The following PPP2R5D variants were observed in gnomAD, a reference collection of about 807,000 sequenced individuals.
PPP2R5D encodes the protein serine/threonine-protein phosphatase 2A 56 kDa regulatory subunit delta isoform.
PPP2R5D carries 12 observed loss-of-function variants against 79.1 expected under a neutral mutation model. The observed-to-expected ratio is 0.15, with a 90% CI of 0.10 to 0.25. The LOEUF is 0.25. Among genes scored for constraint, PPP2R5D ranks in the 10% least tolerant of loss-of-function variants. The probability of loss-of-function intolerance (pLI) is 1.00; values close to 1 mark genes in which losing one functional copy is unlikely to be tolerated. For synonymous variants in PPP2R5D, 277 were observed against 286.6 expected (o/e 0.97, Z 0.34); for missense variants, 419 against 760.2 (o/e 0.55, Z 5.28).
At chr6:42,986,066 C>T (rs571603728) in intron 1 of PPP2R5D, among the ~76,000 whole-genome samples, 10 of 152,122 alleles carry the variant, frequency 6.6e-5, no homozygotes, top group Non-Finnish European at 1.3e-4. Flanking sequence ...TGTGAGCCAC[C>T]GTGCCTGGCC....
intron 2 of PPP2R5D, among the ~76,000 whole-genome samples, chr6:43,002,634 T>C (rs1231698645): frequency 6.6e-6 from 1 of 152,108 alleles, no homozygotes; most frequent in Non-Finnish European, 1.5e-5. Context: ...TGCCTTGCCA[T>C]GTCTAATACA....
At position 43,006,825 on chromosome 6, in the gene PPP2R5D, G is replaced by T. The variant is rs902692980; in HGVS notation, c.323-86G>T. ...TGCCAGGGAGCAGGATGGTGGCAGG[G>T]TGGGGTAAGGGAAAGCCCTTGAAGG... On this transcript the variant is annotated intron_variant, in intron 3 of 15. Transcript: ENST00000485511. The surrounding 1 kb of genome is among the most constrained non-coding windows in gnomAD (Gnocchi z 4.7). The T allele has an allele frequency of 2.5e-6, 4 of 1,580,798 alleles. No homozygotes were observed. The Admixed American group carries it at 5.0e-5, about 20-fold the overall frequency.
chr6:43,000,693 C>T (rs192242167), intron 2 of PPP2R5D, among the ~76,000 whole-genome samples: 37 of 152,322 alleles, frequency 2.4e-4, no homozygotes, highest in Middle Eastern at 3.4e-3. Flanking sequence ...CAGGTTGGCA[C>T]TGAGCCCCTC....
In PPP2R5D at chr6:43,007,831, T is replaced by G; in HGVS notation, c.727-104T>G. 1 of 1,453,462 alleles carries G rather than the reference T, an allele frequency of 6.9e-7. No homozygotes were observed. Among genetic ancestry groups the G allele is most frequent in the South Asian group, 1.2e-5 (1 of 84,230 alleles). The allele number at this position is 1,453,462 out of a possible 1,614,324, so 90.0% of individuals were successfully genotyped here. ...CTTTCTAAGACTTGCTGGCCCCCACTCCAGGGGACCTCTGCATTTCCCCTG... is the reference window on the plus strand; with the variant it reads ...CTTTCTAAGACTTGCTGGCCCCCACGCCAGGGGACCTCTGCATTTCCCCTG... On this transcript the variant is annotated intron_variant, in intron 6 of 15. Transcript: ENST00000485511. The surrounding 1 kb of genome is among the most constrained non-coding windows in gnomAD (Gnocchi z 4.5).
rs550881684 is a variant in PPP2R5D, at chr6:43,011,150, T to C, written c.1673T>C (p.Met558Thr). The C allele has an allele frequency of 1.0e-4, 163 of 1,614,086 alleles. 3 individuals are homozygous for C. The South Asian group carries it at 1.7e-3, about 17-fold the overall frequency. ...KRTVETEAVQ[M>T]LKDIKKEKVL... Reference sequence around the variant, plus strand: ...CACCTTGTCCCTATTCACACACAGATGCTAAAAGACATCAAGAAGGAGAAA... The same window carrying C: ...CACCTTGTCCCTATTCACACACAGACGCTAAAAGACATCAAGAAGGAGAAA... Residue 558 changes from methionine (M) to threonine (T), a missense_variant and splice_region_variant, in exon 16 of 16, where the codon ATG becomes ACG. This residue lies in a region of PPP2R5D where 84 missense variants were observed against 105.4 expected (regional missense o/e 0.80). Transcript: ENST00000485511.
At position 43,010,422 on chromosome 6, in the gene PPP2R5D, G is replaced by T. The variant is rs758847771; in HGVS notation, c.1380-46G>T. The T allele has an allele frequency of 1.1e-5, 17 of 1,550,566 alleles. No individual in the cohort carries two copies. Among genetic ancestry groups the T allele is most frequent in the Non-Finnish European group, 1.4e-5 (16 of 1,123,118 alleles). ...GAACAAATTGGGTTCCTCACGCTAA[G>T]GGCAGGCTCTGGCCTCCTACACCTC... On this transcript the variant is annotated intron_variant, in intron 12 of 15. Coordinates refer to ENST00000485511, the MANE Select transcript of PPP2R5D (RefSeq NM_006245.4). This position sits in a 1 kb window ranked among gnomAD's most constrained non-coding sequence, Gnocchi z 4.7.
At position 43,012,149 on chromosome 6, in the gene PPP2R5D, T is replaced by C. The variant is rs1348320403; in HGVS notation, c.*863T>C. 2.0e-6 allele frequency: 2 copies of C among 1,022,594 alleles called. No individual in the cohort carries two copies. Among genetic ancestry groups the C allele is most frequent in the Non-Finnish European group, 1.2e-6 (1 of 843,346 alleles). 63.3% of individuals were successfully genotyped at this position (1,022,594 alleles called of 1,614,324 possible). On this transcript the variant is annotated 3_prime_UTR_variant, in exon 16 of 16. Transcript: ENST00000485511. ...GTGCTATGCTGGGCAGGCCTTCTCT[T>C]GTCCCTTATAGGTACCTTGGAGGGG...
chr6:43,005,430 A>C (rs1014165962), intron 2 of PPP2R5D, among the ~76,000 whole-genome samples: 2 of 151,996 alleles, frequency 1.3e-5, no homozygotes, highest in African/African-American at 2.4e-5. Flanking sequence ...AAGCTTCCTG[A>C]GTAGCTGGAA....
At position 43,008,662 on chromosome 6, in the gene PPP2R5D, C is replaced by T. The variant is rs1172985176; in HGVS notation, c.1027-31C>T. The T allele has an allele frequency of 3.7e-6, 6 of 1,609,864 alleles. No individual in the cohort carries two copies. In the East Asian group the frequency reaches 1.3e-4, roughly 36 times the overall value. ...CTCTGAGAGCTTCTAGGACCTACACCTCACCTCCCTTCTACCTCACACCTT... is the reference window on the plus strand; with the variant it reads ...CTCTGAGAGCTTCTAGGACCTACACTTCACCTCCCTTCTACCTCACACCTT... On this transcript the variant is annotated intron_variant, in intron 9 of 15. Transcript: ENST00000485511. The surrounding 1 kb of genome is among the most constrained non-coding windows in gnomAD (Gnocchi z 4.2).
intron 2 of PPP2R5D, among the ~76,000 whole-genome samples, chr6:42,990,108 G>A (rs1202115121): frequency 2.0e-5 from 3 of 152,114 alleles, no homozygotes; most frequent in African/African-American, 7.2e-5. Flanking sequence ...GCCCAGCTGG[G>A]CCCACTGCCC....
At chr6:43,000,236 C>CTTTTTTTTTTTTTTTTTTTTTTTTTTT (rs1204045076) in intron 2 of PPP2R5D, among the ~76,000 whole-genome samples, 1 of 106,022 alleles carries the variant, frequency 9.4e-6, no homozygotes, top group African/African-American at 4.9e-5. Context: ...GTCTGGCCAC[C>CTTTTTTTTTTTTTTTTTTTTTTTTTTT]TTTTTTTTTT....
intron 2 of PPP2R5D, among the ~76,000 whole-genome samples, chr6:42,993,995 T>G (rs1041554664): frequency 6.6e-6 from 1 of 152,190 alleles, no homozygotes; most frequent in African/African-American, 2.4e-5. Flanking sequence ...TATTCCCATT[T>G]CACAGATGAA....
In PPP2R5D at chr6:43,007,843, C is replaced by G; in HGVS notation, c.727-92C>G. 6.6e-7 allele frequency: 1 copy of G among 1,521,232 alleles called. No homozygotes were observed. Among genetic ancestry groups the G allele is most frequent in the Non-Finnish European group, 9.1e-7 (1 of 1,103,172 alleles). 94.2% of individuals were successfully genotyped at this position (1,521,232 alleles called of 1,614,324 possible). ...TGCTGGCCCCCACTCCAGGGGACCT[C>G]TGCATTTCCCCTGGCGGGACCTATG... On this transcript the variant is annotated intron_variant, in intron 6 of 15. Transcript: ENST00000485511. This position sits in a 1 kb window ranked among gnomAD's most constrained non-coding sequence, Gnocchi z 4.5.
In PPP2R5D at chr6:43,006,645, G is replaced by A; in HGVS notation, c.288G>A (p.Lys96=). ...GCTCCTCCCGCTTCAACCTCAGCAA[G>A]AATCGGGAGCTGCAGAAGCTTCCTG... ...RQSSSRFNLS[K]NRELQKLPAL... Residue 96 remains lysine, a synonymous_variant, in exon 3 of 16, where the codon AAG becomes AAA. Transcript: ENST00000485511. The surrounding 1 kb of genome is among the most constrained non-coding windows in gnomAD (Gnocchi z 4.7). The A allele has an allele frequency of 6.2e-7, 1 of 1,614,208 alleles. No individual in the cohort carries two copies.
At chr6:43,002,399 G>C (rs1033567234) in intron 2 of PPP2R5D, among the ~76,000 whole-genome samples, 17 of 152,174 alleles carry the variant, frequency 1.1e-4, no homozygotes, top group African/African-American at 3.9e-4. Context: ...TCCTGACCTC[G>C]TGATCCGCCC....
intron 2 of PPP2R5D, among the ~76,000 whole-genome samples, chr6:42,990,199 A>AG (rs1373336933): frequency 6.6e-6 from 1 of 152,236 alleles, no homozygotes; most frequent in Non-Finnish European, 1.5e-5. Flanking sequence ...CGGGTTATAA[A>AG]GCAATAAACA....
chr6:43,000,914 A>C (rs1355612700), intron 2 of PPP2R5D, among the ~76,000 whole-genome samples: 1 of 152,226 alleles, frequency 6.6e-6, no homozygotes, highest in African/African-American at 2.4e-5. Flanking sequence ...CCAGAGGGGT[A>C]CAAACAGGGT....
chr6:43,003,034 G>A (rs1029056308), intron 2 of PPP2R5D, among the ~76,000 whole-genome samples: 3 of 152,276 alleles, frequency 2.0e-5, no homozygotes, highest in African/African-American at 4.8e-5. Flanking sequence ...GAGTACCTGT[G>A]GGCAGACAGC....
Position 43,006,300 on chromosome 6 carries a change from C to G in PPP2R5D, c.106-163C>G, listed in dbSNP as rs1258093179. 1 of 1,313,210 alleles carries G rather than the reference C, an allele frequency of 7.6e-7. No individual in the cohort carries two copies. The highest frequency in any genetic ancestry group is 1.0e-6 in the Non-Finnish European group (1 of 989,652). 81.3% of individuals were successfully genotyped at this position (1,313,210 alleles called of 1,614,324 possible). On this transcript the variant is annotated intron_variant, in intron 2 of 15. Coordinates refer to ENST00000485511, the MANE Select transcript of PPP2R5D (RefSeq NM_006245.4). This position sits in a 1 kb window ranked among gnomAD's most constrained non-coding sequence, Gnocchi z 4.7. ...TCTTGACTGCTCCCTGCCAGGGCTACAGCACAGTTATCTCTGTAACCCTGG... is the reference window on the plus strand; with the variant it reads ...TCTTGACTGCTCCCTGCCAGGGCTAGAGCACAGTTATCTCTGTAACCCTGG...
Sources: allele counts gnomAD v4.1 joint callset (sites outside exome capture counted in the v4.1 genomes callset), GRCh38; gene constraint gnomAD v4.1.1; regional missense constraint gnomAD v4.1.1; non-coding constraint Gnocchi (gnomAD v3.1); transcripts MANE v1.5; gene names NCBI Gene and HGNC (gene_info 2026-07-23, HGNC 2026-07-21).